The following RPTOR variants were observed in gnomAD, a reference collection of about 807,000 sequenced individuals.
RPTOR encodes the protein regulatory-associated protein of mTOR.
Under a neutral mutation model 169.9 loss-of-function variants are expected in RPTOR, and 21 were observed. The ratio of observed to expected loss-of-function variants is 0.12; its 90% CI spans 0.09 to 0.18. The LOEUF (loss-of-function observed/expected upper bound fraction) is 0.18, where lower values mean the gene tolerates loss of function less well. Ranked by LOEUF, RPTOR falls within the 10% of genes least tolerant of loss-of-function variation. The pLI, the probability that RPTOR is intolerant of heterozygous loss-of-function variation, is 1.00. For synonymous variants in RPTOR, 732 were observed against 753.2 expected (o/e 0.97, Z 0.46); for missense variants, 1,133 against 1,855.9 (o/e 0.61, Z 7.16).
intron 3 of RPTOR, among the ~76,000 whole-genome samples, chr17:80,669,647 G>T (rs1396367910): frequency 2.6e-5 from 4 of 151,818 alleles, no homozygotes; most frequent in African/African-American, 9.7e-5. Flanking sequence ...GCCTCCTGAA[G>T]TGCTGGATTA....
intron 3 of RPTOR, among the ~76,000 whole-genome samples, chr17:80,685,795 G>A (rs1342309194): frequency 6.6e-6 from 1 of 151,170 alleles, no homozygotes; most frequent in African/African-American, 2.4e-5. Context: ...AGCTGCCTCT[G>A]GCTGTTGAAC....
chr17:80,918,738 C>T (rs1192539687), intron 21 of RPTOR, among the ~76,000 whole-genome samples: 2 of 152,198 alleles, frequency 1.3e-5, no homozygotes, highest in East Asian at 1.9e-4. Flanking sequence ...ACTCCCACCC[C>T]CTAGGGCTGT....
At chr17:80,628,979 C>A (rs1320026867) in intron 2 of RPTOR, among the ~76,000 whole-genome samples, 1 of 151,806 alleles carries the variant, frequency 6.6e-6, no homozygotes, top group South Asian at 2.1e-4. Flanking sequence ...ACTCAGCTGT[C>A]TATGTATTCT....
chr17:80,883,628 G>A, intron 15 of RPTOR, 144 bp downstream of exon 15: 1 of 1,187,238 alleles, frequency 8.4e-7, no homozygotes, highest in Non-Finnish European at 1.2e-6. Flanking sequence ...CCATTTGCAG[G>A]CTGAATATGA....
intron 3 of RPTOR, among the ~76,000 whole-genome samples, chr17:80,674,164 G>C (rs553988816): frequency 6.6e-6 from 1 of 152,150 alleles, no homozygotes; most frequent in Non-Finnish European, 1.5e-5. Context: ...GCTCTGATAA[G>C]GGCTCCTTTC....
In RPTOR at chr17:80,860,097, C is replaced by T. The variant is rs556137340; in HGVS notation, c.1509+2197C>T. Among the ~76,000 whole-genome samples, 151 of 152,312 alleles carry T rather than the reference C, an allele frequency of 9.9e-4. 1 individual carries two copies. The highest frequency in any genetic ancestry group is 3.6e-3 in the African/African-American group (148 of 41,558). Reference sequence around the variant, plus strand: ...GTGTGGCAGGTGAGGGGAGAGTGGACGGAGCTTAAGCCCCCGGGGCTCCTG... The same window carrying T: ...GTGTGGCAGGTGAGGGGAGAGTGGATGGAGCTTAAGCCCCCGGGGCTCCTG... On this transcript the variant is annotated intron_variant, in intron 13 of 33. Transcript: ENST00000306801. This position sits in a 1 kb window ranked among gnomAD's most constrained non-coding sequence, Gnocchi z 5.8.
At chr17:80,678,941 T>C (rs949876426) in intron 3 of RPTOR, among the ~76,000 whole-genome samples, 1 of 152,158 alleles carries the variant, frequency 6.6e-6, no homozygotes, top group African/African-American at 2.4e-5. Context: ...GGGGGCGATG[T>C]TTGTGTTTGT....
chr17:80,733,310 T>G (rs2066407387), intron 5 of RPTOR, among the ~76,000 whole-genome samples: 1 of 152,250 alleles, frequency 6.6e-6, no homozygotes, highest in East Asian at 1.9e-4. Context: ...AATTTAAAAA[T>G]TAAGGATAAT....
chr17:80,551,498 A>G (rs567138106), intron 1 of RPTOR, among the ~76,000 whole-genome samples: 8 of 152,280 alleles, frequency 5.3e-5, no homozygotes, highest in Admixed American at 4.6e-4. Flanking sequence ...TAGACAAGGT[A>G]AAGGATTAAG....
chr17:80,777,756 G>A (rs760137353), intron 6 of RPTOR, among the ~76,000 whole-genome samples: 9 of 152,180 alleles, frequency 5.9e-5, no homozygotes, highest in African/African-American at 2.2e-4. Context: ...CCTTTGGTCC[G>A]TTTTGAGTTA....
At chr17:80,576,077 G>A (rs1222037576) in intron 1 of RPTOR, among the ~76,000 whole-genome samples, 1 of 152,092 alleles carries the variant, frequency 6.6e-6, no homozygotes, top group Non-Finnish European at 1.5e-5. Flanking sequence ...TTTTATATAA[G>A]TCAACACTTC....
intron 1 of RPTOR, among the ~76,000 whole-genome samples, chr17:80,581,957 G>T (rs1476898634): frequency 6.6e-6 from 1 of 152,230 alleles, no homozygotes; most frequent in East Asian, 1.9e-4. Context: ...GGCTGGGGAT[G>T]TTGAAGGAGA....
In RPTOR at chr17:80,962,997, C is replaced by T. The variant is rs781681867; in HGVS notation, c.3879C>T (p.Tyr1293=). 55 of 1,612,854 alleles carry T rather than the reference C, an allele frequency of 3.4e-5. No homozygotes were observed. Among genetic ancestry groups the T allele is most frequent in the Admixed American group, 3.0e-4 (18 of 59,952 alleles). Residue 1293 remains tyrosine, a synonymous_variant, in exon 33 of 34, where the codon TAC becomes TAT. Transcript: ENST00000306801. The stretch of plus-strand genomic sequence containing the variant: ...AGCTCATCAACAACATCAAGTACTA[C>T]GACGGCTTCATGGGCCAGCGGGTCG... ...SGELINNIKY[Y]DGFMGQRVGA...
chr17:80,721,035 C>T lies in RPTOR; in HGVS notation c.508-9525C>T, dbSNP rs2066281500. Among the ~76,000 whole-genome samples, 1 of 151,036 alleles carries T rather than the reference C, an allele frequency of 6.6e-6. No homozygotes were observed. Among genetic ancestry groups the T allele is most frequent in the African/African-American group, 2.5e-5 (1 of 40,378 alleles). On this transcript the variant is annotated intron_variant, in intron 4 of 33. Transcript: ENST00000306801. This position sits in a 1 kb window ranked among gnomAD's most constrained non-coding sequence, Gnocchi z 4.7. ...TTTAGCCGTCTAGGGCAGAAACAGT[C>T]CCGGGTAAACACCAAGGCCTCGTGG...
chr17:80,832,208 G>C (rs990219329), intron 9 of RPTOR, among the ~76,000 whole-genome samples: 1 of 152,216 alleles, frequency 6.6e-6, no homozygotes, highest in Non-Finnish European at 1.5e-5. Context: ...CCGTGATCCA[G>C]GGGCTTTACA....
At chr17:80,946,295 A>T (rs947665352) in intron 26 of RPTOR, among the ~76,000 whole-genome samples, 2 of 152,174 alleles carry the variant, frequency 1.3e-5, no homozygotes, top group African/African-American at 4.8e-5. Flanking sequence ...TCACACCTCC[A>T]TTTCTTTTTC....
intron 3 of RPTOR, among the ~76,000 whole-genome samples, chr17:80,689,531 A>G (rs1461661435): frequency 6.6e-6 from 1 of 152,272 alleles, no homozygotes; most frequent in Non-Finnish European, 1.5e-5. Flanking sequence ...GGAATTTACT[A>G]GATTTCAGGC....
chr17:80,809,858 G>A (rs1357384333), intron 7 of RPTOR, among the ~76,000 whole-genome samples: 1 of 152,076 alleles, frequency 6.6e-6, no homozygotes, highest in Non-Finnish European at 1.5e-5. Flanking sequence ...CTAACACGGT[G>A]AAAGCCCGTC....
At chr17:80,640,336 C>T (rs952872250) in intron 2 of RPTOR, among the ~76,000 whole-genome samples, 4 of 152,184 alleles carry the variant, frequency 2.6e-5, no homozygotes, top group Admixed American at 6.5e-5. Context: ...TAATATCTAT[C>T]GGGGAATTTA....
Sources: gnomAD v4.1 joint callset for allele counts (sites outside exome capture counted in the v4.1 genomes callset) on GRCh38, gnomAD v4.1.1 for gene constraint, Gnocchi (gnomAD v3.1) non-coding constraint, MANE v1.5 for transcripts, NCBI Gene and HGNC (gene_info 2026-07-23, HGNC 2026-07-21) for gene names.